CEP63: variants seen among roughly 807,000 people sequenced by gnomAD.
CEP63 encodes the protein centrosomal protein 63.
A neutral mutation model predicts 89.1 loss-of-function variants in CEP63; 84 were observed. The ratio of observed to expected loss-of-function variants is 0.94; its 90% CI spans 0.79 to 1.13. The LOEUF (loss-of-function observed/expected upper bound fraction) is 1.13, where lower values mean the gene tolerates loss of function less well. Ranked by LOEUF, CEP63 falls within the 50% of genes most tolerant of loss-of-function variation. The pLI is 0.00. For missense variants in CEP63, 838 were observed against 813.3 expected (o/e 1.03, Z -0.37); for synonymous variants, 267 against 272.5 (o/e 0.98, Z 0.20).
chr3:134,647,411 G>A, the CEP63 span: 1 of 1,567,972 alleles, frequency 6.4e-7, no homozygotes, highest in Non-Finnish European at 8.8e-7. Flanking sequence ...AATCCTATAG[G>A]TTGAAAGGAA....
intron 5 of CEP63, 75 bp downstream of exon 5, chr3:134,532,975 A>G (rs774831487): frequency 3.7e-5 from 56 of 1,516,724 alleles, no homozygotes; most frequent in African/African-American, 4.1e-5. Context: ...TAATGGCACT[A>G]TTTTCTGGAA....
chr3:134,720,813 T>C, the CEP63 span, among the ~76,000 whole-genome samples: 1 of 152,172 alleles, frequency 6.6e-6, no homozygotes. Context: ...TTCTGGACTC[T>C]CAATTTTATT....
the CEP63 span, among the ~76,000 whole-genome samples, chr3:134,672,129 T>C: frequency 1.3e-5 from 2 of 152,204 alleles, no homozygotes; most frequent in Admixed American, 1.3e-4. Context: ...GTACACTGAT[T>C]ATATCATTGG....
At chr3:134,593,065 A>G in the CEP63 span, among the ~76,000 whole-genome samples, 39 of 152,294 alleles carry the variant, frequency 2.6e-4, no homozygotes, top group Admixed American at 2.0e-3. Context: ...AGGCCTTAAC[A>G]TAGGTGTCCA....
the CEP63 span, among the ~76,000 whole-genome samples, chr3:134,618,459 A>T: frequency 1.3e-5 from 2 of 152,220 alleles, no homozygotes; most frequent in Non-Finnish European, 2.9e-5. Context: ...GGGCTAGCTG[A>T]CTGTTTTCTG....
chr3:134,546,396 T>C, intron 8 of CEP63, 108 bp downstream of exon 8: 1 of 1,049,088 alleles, frequency 9.5e-7, no homozygotes, highest in Non-Finnish European at 1.4e-6. Context: ...TAGTCTCCTG[T>C]TGCCCAGACT....
At chr3:134,661,812 C>CG in the CEP63 span, among the ~76,000 whole-genome samples, 2 of 150,670 alleles carry the variant, frequency 1.3e-5, no homozygotes, top group African/African-American at 2.4e-5. Context: ...TTTGTGCCCC[C>CG]CCCCTCAAAT....
chr3:134,496,684 T>C (rs892863107), intron 2 of CEP63, among the ~76,000 whole-genome samples: 1 of 152,196 alleles, frequency 6.6e-6, no homozygotes, highest in Non-Finnish European at 1.5e-5. Context: ...GTTTATGTCA[T>C]TATCTGATTG....
chr3:134,543,463 A>G (rs1952488956), intron 6 of CEP63, among the ~76,000 whole-genome samples: 1 of 152,356 alleles, frequency 6.6e-6, no homozygotes, highest in Non-Finnish European at 1.5e-5. Context: ...TAAATCAGTG[A>G]AAGAAGGTTA....
the CEP63 span, among the ~76,000 whole-genome samples, chr3:134,734,606 A>C: frequency 6.6e-6 from 1 of 152,240 alleles, no homozygotes; most frequent in South Asian, 2.1e-4. Flanking sequence ...TGATTTGAAA[A>C]TTTAGACAAA....
the CEP63 span, among the ~76,000 whole-genome samples, chr3:134,757,441 C>T: frequency 6.6e-6 from 1 of 152,178 alleles, no homozygotes; most frequent in East Asian, 1.9e-4. Context: ...AAACTCAGAA[C>T]TCTGGACTCT....
At chr3:134,485,990 C>CGGG, upstream of CEP63, 12 of 837,502 alleles carry the variant, frequency 1.4e-5, no homozygotes, top group African/African-American at 4.9e-5. Context: ...GCTCCTGCCA[C>CGGG]GCCCCCCCCC....
the CEP63 span, among the ~76,000 whole-genome samples, chr3:134,706,672 G>C: frequency 2.0e-5 from 3 of 152,132 alleles, no homozygotes; most frequent in African/African-American, 7.2e-5. Flanking sequence ...ATGCAAACAT[G>C]GTGGCTTAAA....
In CEP63 at chr3:134,563,457, C is replaced by G. The variant is rs756161961; in HGVS notation, c.*1922C>G. 4 of 152,074 alleles carry G rather than the reference C, an allele frequency of 2.6e-5. No homozygotes were observed. Among genetic ancestry groups the G allele is most frequent in the South Asian group, 2.1e-4 (1 of 4,822 alleles). The allele number at this position is 152,074 out of a possible 1,614,324, so 9.4% of individuals were successfully genotyped here. ...TTTTTTATTGAGACAGAGTCTCACT[C>G]TGTCGCCCAAGCTGCAGTACAGTGG... On this transcript the variant is annotated 3_prime_UTR_variant, in exon 15 of 15. Transcript: ENST00000675561.
chr3:134,571,638 G>A (rs6439492), intron 11 of CEP63, among the ~76,000 whole-genome samples: 99,693 of 151,344 alleles, frequency 0.66, 33,182 homozygotes, highest in East Asian at 0.81. Flanking sequence ...CTGAGATCGT[G>A]CCACTGCACT....
At chr3:134,687,605 G>A in the CEP63 span, among the ~76,000 whole-genome samples, 2 of 152,244 alleles carry the variant, frequency 1.3e-5, no homozygotes, top group Admixed American at 6.5e-5. Context: ...ATGGAGGGCT[G>A]TGGGAAGTGT....
At chr3:134,777,907 G>A in the CEP63 span, among the ~76,000 whole-genome samples, 129,215 of 151,740 alleles carry the variant, frequency 0.85, 55,088 homozygotes, top group East Asian at 0.92. Flanking sequence ...GAGCCACCGC[G>A]CCCGGCTTTA....
At chr3:134,617,524 C>A in the CEP63 span, among the ~76,000 whole-genome samples, 32 of 152,288 alleles carry the variant, frequency 2.1e-4, no homozygotes, top group Admixed American at 2.0e-3. Flanking sequence ...TTCCTGTATG[C>A]ACAGAACACA....
the CEP63 span, among the ~76,000 whole-genome samples, chr3:134,728,648 C>T: frequency 1.3e-5 from 2 of 152,056 alleles, no homozygotes; most frequent in African/African-American, 2.4e-5. Context: ...GTCATTTATA[C>T]GATGGAGTAT....
Sources: gnomAD v4.1 joint callset for allele counts (sites outside exome capture counted in the v4.1 genomes callset) on GRCh38, gnomAD v4.1.1 for gene constraint, MANE v1.5 for transcripts, NCBI Gene and HGNC (gene_info 2026-07-23, HGNC 2026-07-21) for gene names.